Variants in KCNJ15 observed in about 807,000 individuals in gnomAD.
KCNJ15 encodes the protein potassium inwardly rectifying channel subfamily J member 15.
KCNJ15 carries 14 observed loss-of-function variants against 23.0 expected under a neutral mutation model. The observed-to-expected ratio is 0.61, with a 90% CI of 0.40 to 0.95. KCNJ15 has a LOEUF of 0.95. Ranked by LOEUF, KCNJ15 falls within the 40% of genes least tolerant of loss-of-function variation. The pLI is 0.00. For missense variants in KCNJ15, 388 were observed against 461.8 expected, an observed-to-expected ratio of 0.84 and a Z score of 1.46; for synonymous variants, 185 against 183.2, an observed-to-expected ratio of 1.01 and a Z score of -0.08.
chr21:38,300,456 A>G lies in KCNJ15; in HGVS notation c.*67A>G, dbSNP rs979783554. The G allele has an allele frequency of 1.4e-6, 2 of 1,425,122 alleles. No homozygotes were observed. The highest frequency in any genetic ancestry group is 1.9e-6 in the Non-Finnish European group (2 of 1,051,742). The allele number at this position is 1,425,122 out of a possible 1,614,324, so 88.3% of individuals were successfully genotyped here. On this transcript the variant is annotated 3_prime_UTR_variant, in exon 3 of 3. Coordinates refer to ENST00000398938, the MANE Select transcript of KCNJ15 (RefSeq NM_170736.3). ...CACATCAGAACTCCCTTCAAACACA[A>G]AGATTGCTGTGAAAACGAAAATGTG...
At chr21:38,230,322 T>C (rs958414728) in intron 1 of KCNJ15, among the ~76,000 whole-genome samples, 2 of 152,172 alleles carry the variant, frequency 1.3e-5, no homozygotes, top group African/African-American at 2.4e-5. Flanking sequence ...AAGTTGTTTC[T>C]CTTCTTTGGG....
In KCNJ15 at chr21:38,289,102, C is replaced by T. The variant is rs147486297; in HGVS notation, c.-116-7824C>T. Among the ~76,000 whole-genome samples, 11 of 148,234 alleles carry T rather than the reference C, an allele frequency of 7.4e-5. No individual in the cohort carries two copies. In the East Asian group the frequency reaches 2.2e-3, roughly 30 times the overall value. On this transcript the variant is annotated intron_variant, in intron 1 of 2. Transcript: ENST00000398938. ...ATCCCAGCTCCTCGGGAGGTTGAGGCACGAGAATCATTTGAACCCAGGAGG... is the reference window on the plus strand; with the variant it reads ...ATCCCAGCTCCTCGGGAGGTTGAGGTACGAGAATCATTTGAACCCAGGAGG...
chr21:38,240,165 AT>A lies in KCNJ15; in HGVS notation c.-398-16874del, dbSNP rs542729387. Among the ~76,000 whole-genome samples the A allele has an allele frequency of 1.8e-3, 279 of 152,018 alleles. 3 individuals carry two copies. The highest frequency in any genetic ancestry group is 5.8e-3 in the Admixed American group (89 of 15,268). ...TTACAGTGATTGCTGCTTTCCTGTT[AT>A]TTTTTTAATGGCCATCAAGAAATAT... On this transcript the variant is annotated intron_variant, in intron 1 of 4. Transcript: ENST00000547341.
chr21:38,259,445 T>G (rs949396388), intron 1 of KCNJ15, among the ~76,000 whole-genome samples: 3 of 152,220 alleles, frequency 2.0e-5, no homozygotes, highest in Non-Finnish European at 4.4e-5. Flanking sequence ...CTACCGTTAT[T>G]TTTTTCCCTG....
intron 1 of KCNJ15, among the ~76,000 whole-genome samples, chr21:38,240,946 A>C (rs961394868): frequency 8.5e-5 from 13 of 152,164 alleles, no homozygotes; most frequent in Non-Finnish European, 1.6e-4. Flanking sequence ...AAAATGATAC[A>C]TGTGTATTAA....
intron 1 of KCNJ15, among the ~76,000 whole-genome samples, chr21:38,269,402 G>C (rs1981846608): frequency 6.6e-6 from 1 of 152,146 alleles, no homozygotes; most frequent in South Asian, 2.1e-4. Flanking sequence ...CTCACTTGCT[G>C]GGTTTGCCTC....
intron 1 of KCNJ15, chr21:38,238,653 G>T: frequency 1.8e-6 from 1 of 565,300 alleles, no homozygotes; most frequent in Non-Finnish European, 3.4e-6. Flanking sequence ...ACACGGAATT[G>T]GCGCTGGGCT....
In KCNJ15 at chr21:38,278,343, G is replaced by A. The variant is rs138271203; in HGVS notation, c.-116-18583G>A. ...TCAGACTACAATCTTAAACATTGTC[G>A]CCACTACTAGCTAGTTGTGTGACCC... On this transcript the variant is annotated intron_variant, in intron 1 of 2. Coordinates refer to ENST00000398938, the MANE Select transcript of KCNJ15 (RefSeq NM_170736.3). Among the ~76,000 whole-genome samples, 489 of 152,238 alleles carry A rather than the reference G, an allele frequency of 3.2e-3. 6 individuals are homozygous for A. Among genetic ancestry groups the A allele is most frequent in the African/African-American group, 0.011 (461 of 41,538 alleles).
At chr21:38,291,459 AC>A (rs1984607185) in intron 1 of KCNJ15, 3 of 152,370 alleles carry the variant, frequency 2.0e-5, no homozygotes, top group African/African-American at 7.2e-5. Context: ...CCCCAAGGAA[AC>A]ATTTTCTAAC....
Position 38,270,753 on chromosome 21 carries a change from G to A in KCNJ15, c.-117+13568G>A, listed in dbSNP as rs1319204110. 2.6e-5 allele frequency among the ~76,000 whole-genome samples: 4 copies of A among 152,230 alleles called. No individual in the cohort carries two copies. In the East Asian group the frequency reaches 7.7e-4, roughly 29 times the overall value. On this transcript the variant is annotated intron_variant, in intron 1 of 2. Transcript: ENST00000398938. ...ACTAAGAGAACATAAAAAAAAATCA[G>A]CAAATTTGACCAGAGCAGTGTATTT...
chr21:38,289,032 A>G (rs2032051495), intron 1 of KCNJ15, among the ~76,000 whole-genome samples: 1 of 151,896 alleles, frequency 6.6e-6, no homozygotes, highest in Non-Finnish European at 1.5e-5. Flanking sequence ...CCCCATCTCT[A>G]TTAAAAATAC....
At chr21:38,289,658 G>T (rs1449403181) in intron 1 of KCNJ15, among the ~76,000 whole-genome samples, 1 of 152,150 alleles carries the variant, frequency 6.6e-6, no homozygotes, top group Admixed American at 6.5e-5. Context: ...GCTTGAATCT[G>T]GGAGGCAGGG....
At chr21:38,286,881 A>G (rs1666602520) in intron 1 of KCNJ15, among the ~76,000 whole-genome samples, 1 of 152,198 alleles carries the variant, frequency 6.6e-6, no homozygotes, top group Non-Finnish European at 1.5e-5. Flanking sequence ...ACTAGCTGCA[A>G]CTGTGACTTT....
intron 1 of KCNJ15, among the ~76,000 whole-genome samples, chr21:38,263,730 T>A (rs1191711427): frequency 6.6e-6 from 1 of 151,838 alleles, no homozygotes; most frequent in East Asian, 2.0e-4. Flanking sequence ...CAGGCTCCAT[T>A]TAGGTGTAAG....
chr21:38,270,006 G>A (rs1228969402), intron 1 of KCNJ15, among the ~76,000 whole-genome samples: 2 of 152,082 alleles, frequency 1.3e-5, no homozygotes, highest in African/African-American at 4.8e-5. Context: ...AATTGCTCCT[G>A]TATGCTTCCC....
rs1263865799 is a variant in KCNJ15, at chr21:38,304,173, A to G, written c.*3784A>G. 6.6e-6 allele frequency: 1 copy of G among 151,256 alleles called. No individual in the cohort carries two copies. The highest frequency in any genetic ancestry group is 1.5e-5 in the Non-Finnish European group (1 of 67,902). The allele number at this position is 151,256 out of a possible 1,614,324, so 9.4% of individuals were successfully genotyped here. A position where few individuals can be genotyped will look rare whatever the true frequency, so the allele number is the denominator to read the frequency against. ...GTGCAGGTTTGTTACATATGTATAC[A>G]TGTGCCATGTTGGTGTGCTGCACCC... On this transcript the variant is annotated 3_prime_UTR_variant, in exon 3 of 3. Coordinates refer to ENST00000398938, the MANE Select transcript of KCNJ15 (RefSeq NM_170736.3).
chr21:38,236,692 C>T (rs2123543698), intron 1 of KCNJ15, among the ~76,000 whole-genome samples: 1 of 152,280 alleles, frequency 6.6e-6, no homozygotes, highest in East Asian at 1.9e-4. Flanking sequence ...ACGTTTCACC[C>T]AAAATGAGGT....
chr21:38,293,993 G>C (rs1044029865), intron 1 of KCNJ15, among the ~76,000 whole-genome samples: 1 of 151,986 alleles, frequency 6.6e-6, no homozygotes, highest in African/African-American at 2.4e-5. Flanking sequence ...CCAAGGCCAA[G>C]GCCAAAGGTC....
At chr21:38,282,564 C>T (rs1983467513) in intron 1 of KCNJ15, among the ~76,000 whole-genome samples, 1 of 152,118 alleles carries the variant, frequency 6.6e-6, no homozygotes, top group Admixed American at 6.6e-5. Flanking sequence ...GTGAAATATT[C>T]TTCACCCGAA....
Sources: allele counts gnomAD v4.1 joint callset (sites outside exome capture counted in the v4.1 genomes callset), GRCh38; gene constraint gnomAD v4.1.1; transcripts MANE v1.5; gene names NCBI Gene and HGNC (gene_info 2026-07-23, HGNC 2026-07-21).